Variants in ZNF831 observed in about 807,000 individuals in gnomAD.
ZNF831 encodes zinc finger protein 831.
In ZNF831, 59 loss-of-function variants were observed where a neutral mutation model predicts 95.8. The observed-to-expected ratio is 0.62, with a 90% CI of 0.50 to 0.77. ZNF831 has a LOEUF of 0.77. Among genes scored for constraint, ZNF831 ranks in the 30% least tolerant of loss-of-function variants. The pLI is 0.00. For synonymous variants in ZNF831, 961 were observed against 925.5 expected, an observed-to-expected ratio of 1.04 and a Z score of -0.70; for missense variants, 2,205 against 2,164.0, an observed-to-expected ratio of 1.02 and a Z score of -0.38.
rs557197007 is a variant in ZNF831 at position 59,204,917 on chromosome 20, C to T, written c.3876-1988C>T. Among the ~76,000 whole-genome samples the T allele has an allele frequency of 5.3e-5, 8 of 152,298 alleles. No homozygotes were observed. The South Asian group carries it at 1.7e-3, about 32-fold the overall frequency. On this transcript the variant is annotated intron_variant, in intron 3 of 5. Coordinates refer to ENST00000371030, the MANE Select transcript of ZNF831 (RefSeq NM_178457.3). Reference sequence around the variant, plus strand: ...GAACCAGGAGAGAGAGAAACGTACCCTGCCCATGACTAAACTAAACAGTCC... The same window carrying T: ...GAACCAGGAGAGAGAGAAACGTACCTTGCCCATGACTAAACTAAACAGTCC...
intron 1 of ZNF831, among the ~76,000 whole-genome samples, chr20:59,125,774 C>T (rs189743089): frequency 7.3e-4 from 111 of 152,184 alleles, no homozygotes; most frequent in Middle Eastern, 3.4e-3. Flanking sequence ...TTCATTGACT[C>T]GTGTTTGGGT....
rs141996396 is a variant in ZNF831, at chr20:59,184,699, C to T, written c.-36-6285C>T. On this transcript the variant is annotated intron_variant, in intron 1 of 5. Transcript: ENST00000371030. ...TAGTACCCAAGTTCTATCTGCTAAA[C>T]GTATCCAATATGCTTCTCCATGGCC... is the stretch of plus-strand genomic sequence containing the variant. Among the ~76,000 whole-genome samples, 469 of 152,278 alleles carry T rather than the reference C, an allele frequency of 3.1e-3. 6 individuals carry two copies. Among genetic ancestry groups the T allele is most frequent in the African/African-American group, 0.01 (435 of 41,560 alleles).
intron 4 of ZNF831, among the ~76,000 whole-genome samples, chr20:59,225,438 G>A (rs1986366663): frequency 6.6e-6 from 1 of 152,160 alleles, no homozygotes; most frequent in African/African-American, 2.4e-5. Flanking sequence ...GAGTCACCAA[G>A]CAGTCATCTG....
At chr20:59,174,581 G>A (rs1427903544) in intron 1 of ZNF831, among the ~76,000 whole-genome samples, 1 of 152,086 alleles carries the variant, frequency 6.6e-6, no homozygotes, top group Admixed American at 6.5e-5. Flanking sequence ...CGGGAGTGTT[G>A]GCTCATGCCT....
chr20:59,164,859 A>G (rs1259920743), intron 1 of ZNF831, among the ~76,000 whole-genome samples: 1 of 152,224 alleles, frequency 6.6e-6, no homozygotes, highest in African/African-American at 2.4e-5. Flanking sequence ...CCTTTCCCGT[A>G]GCAAATCTTT....
rs1487890558 is a variant in ZNF831 at position 59,193,545 on chromosome 20, G to A, written c.2526G>A (p.Glu842=). The A allele has an allele frequency of 1.2e-6, 2 of 1,604,808 alleles. No homozygotes were observed. Among genetic ancestry groups the A allele is most frequent in the Non-Finnish European group, 1.7e-6 (2 of 1,175,992 alleles). Residue 842 remains glutamate, a synonymous_variant, in exon 2 of 6, where the codon GAG becomes GAA. Transcript: ENST00000371030. ...SWKQPEPVSA[E]TPGGPTQPAS... is the part of the protein sequence containing the mutation. Reference sequence around the variant, plus strand: ...AGCAACCAGAGCCTGTGAGCGCAGAGACCCCAGGTGGGCCCACGCAGCCTG... The same window carrying A: ...AGCAACCAGAGCCTGTGAGCGCAGAAACCCCAGGTGGGCCCACGCAGCCTG...
intron 1 of ZNF831, among the ~76,000 whole-genome samples, chr20:59,172,251 C>A (rs1413600984): frequency 2.6e-5 from 4 of 152,166 alleles, no homozygotes; most frequent in African/African-American, 9.7e-5. Context: ...AAGATCTCTG[C>A]GAGCCAAAGA....
At chr20:59,195,656 A>G (rs1984041081) in intron 2 of ZNF831, 4 of 540,382 alleles carry the variant, frequency 7.4e-6, no homozygotes, top group Admixed American at 1.3e-4. Flanking sequence ...TCCTCTGCGG[A>G]TCAAGCCCAG....
intron 1 of ZNF831, among the ~76,000 whole-genome samples, chr20:59,167,657 GT>G (rs1053234288): frequency 3.4e-5 from 5 of 149,044 alleles, no homozygotes; most frequent in Admixed American, 2.7e-4. Context: ...TTAGGTCAAG[GT>G]TTTTTTTTTC....
chr20:59,216,145 T>C (rs1321597689), intron 4 of ZNF831, among the ~76,000 whole-genome samples: 1 of 152,226 alleles, frequency 6.6e-6, no homozygotes. Flanking sequence ...CACCCTTCCC[T>C]GGGCCCCTCT....
At position 59,192,871 on chromosome 20, in the gene ZNF831, G is replaced by A. The variant is rs1263027644; in HGVS notation, c.1852G>A (p.Glu618Lys). Residue 618 changes from glutamate (E) to lysine (K), a missense_variant, in exon 2 of 6, where the codon GAG (glutamate) becomes AAG (lysine). Transcript: ENST00000371030. The surrounding 1 kb of genome is among the most constrained non-coding windows in gnomAD (Gnocchi z 5.2). The part of the protein sequence containing the change: ...GQRRLKMFSQ[E>K]KWQVYGDETF... ...GAGAAGGCTGAAGATGTTCTCCCAG[G>A]AGAAGTGGCAGGTGTACGGGGATGA... 2 of 1,601,124 alleles carry A rather than the reference G, an allele frequency of 1.2e-6. No homozygotes were observed. Among genetic ancestry groups the A allele is most frequent in the South Asian group, 2.2e-5 (2 of 88,896 alleles).
At chr20:59,248,970 T>C (rs1228138315) in intron 4 of ZNF831, among the ~76,000 whole-genome samples, 1 of 152,230 alleles carries the variant, frequency 6.6e-6, no homozygotes, top group Non-Finnish European at 1.5e-5. Flanking sequence ...CAGTCACTTG[T>C]ACCCCACAAG....
At chr20:59,222,077 T>A (rs1986113349) in intron 4 of ZNF831, among the ~76,000 whole-genome samples, 1 of 152,242 alleles carries the variant, frequency 6.6e-6, no homozygotes, top group South Asian at 2.1e-4. Context: ...CTGCGCTGTT[T>A]TCTTTCTGCC....
rs899331205 is a variant in ZNF831, at chr20:59,240,839, C to A, written c.4028-12139C>A. On this transcript the variant is annotated intron_variant, in intron 4 of 5. Transcript: ENST00000371030. ...AATAAATAAATAAATAAAAATATTT[C>A]TAGGGAAATACTCTTCCTTTTTATT... 9.2e-5 allele frequency among the ~76,000 whole-genome samples: 14 copies of A among 152,050 alleles called. No homozygotes were observed. The East Asian group carries it at 2.7e-3, about 29-fold the overall frequency.
chr20:59,149,578 A>G (rs934360263), intron 2 of ZNF831, among the ~76,000 whole-genome samples: 9 of 152,228 alleles, frequency 5.9e-5, no homozygotes, highest in Admixed American at 5.9e-4. Flanking sequence ...CCCTCCTCCA[A>G]AAAAAATCGT....
rs200010948 is a variant in ZNF831, at chr20:59,253,870, T to G, written c.4189-28T>G. 21 of 474,134 alleles carry G rather than the reference T, an allele frequency of 4.4e-5. No individual in the cohort carries two copies. The East Asian group carries it at 6.1e-4, about 14-fold the overall frequency. 29.4% of individuals were successfully genotyped at this position (474,134 alleles called of 1,614,324 possible). ...TGTACCAATTAACCTCCCCCCCCAC[T>G]TTTTTTTTCCTTTGCACTTTGTTGC... On this transcript the variant is annotated intron_variant, in intron 5 of 5. Coordinates refer to ENST00000371030, the MANE Select transcript of ZNF831 (RefSeq NM_178457.3).
intron 2 of ZNF831, among the ~76,000 whole-genome samples, chr20:59,147,597 T>G (rs966934388): frequency 3.3e-5 from 5 of 152,196 alleles, no homozygotes; most frequent in Non-Finnish European, 5.9e-5. Context: ...GGCTTAGAAT[T>G]TAAAGAAAAG....
At position 59,192,857 on chromosome 20, in the gene ZNF831, A is replaced by AG; in HGVS notation, c.1839dup (p.Met614AspfsTer13). 1.2e-6 allele frequency: 2 copies of AG among 1,603,258 alleles called. No homozygotes were observed. Among genetic ancestry groups the AG allele is most frequent in the Non-Finnish European group, 8.5e-7 (1 of 1,174,922 alleles). On this transcript the variant is annotated frameshift_variant, in exon 2 of 6. Transcript: ENST00000371030. LOFTEE classifies it high-confidence loss of function. The surrounding 1 kb of genome is among the most constrained non-coding windows in gnomAD (Gnocchi z 5.2). ...AGGAAGTGCGGCCAGAGAAGGCTGA[A>AG]GATGTTCTCCCAGGAGAAGTGGCAG... is the stretch of plus-strand genomic sequence containing the variant.
chr20:59,241,940 CAG>C lies in ZNF831; in HGVS notation c.4028-11036_4028-11035del, dbSNP rs549885215. On this transcript the variant is annotated intron_variant, in intron 4 of 5. Coordinates refer to ENST00000371030, the MANE Select transcript of ZNF831 (RefSeq NM_178457.3). ...GGAATATCTAAACACGTTATGAAAA[CAG>C]AACAATATTCCCCCATCGTCTTTTG... 1.7e-4 allele frequency among the ~76,000 whole-genome samples: 26 copies of C among 152,196 alleles called. 1 individual carries two copies. Among genetic ancestry groups the C allele is most frequent in the Admixed American group, 1.6e-3 (24 of 15,292 alleles).
Sources: gnomAD v4.1 joint callset for allele counts (sites outside exome capture counted in the v4.1 genomes callset) on GRCh38, gnomAD v4.1.1 for gene constraint, Gnocchi (gnomAD v3.1) non-coding constraint, MANE v1.5 for transcripts, NCBI Gene and HGNC (gene_info 2026-07-23, HGNC 2026-07-21) for gene names.